Variants in SEMA5A observed in about 807,000 individuals in gnomAD.
The protein encoded by SEMA5A is semaphorin 5A.
A neutral mutation model predicts 135.5 loss-of-function variants in SEMA5A; 55 were observed. The observed-to-expected ratio is 0.41, with a 90% CI of 0.33 to 0.51. The LOEUF is 0.51. SEMA5A is among the 20% of genes least tolerant of loss of function. SEMA5A has a pLI of 0.37. For synonymous variants in SEMA5A, 580 were observed against 546.5 expected, an observed-to-expected ratio of 1.06 and a Z score of -0.85; for missense variants, 1,290 against 1,419.9, an observed-to-expected ratio of 0.91 and a Z score of 1.47.
chr5:9,181,981 C>T (rs1458735890), intron 11 of SEMA5A, among the ~76,000 whole-genome samples: 1 of 152,022 alleles, frequency 6.6e-6, no homozygotes, highest in South Asian at 2.1e-4. Context: ...CTCTCTGCAC[C>T]CCAATTTTCC....
chr5:9,361,669 C>G (rs138521742), intron 3 of SEMA5A, among the ~76,000 whole-genome samples: 75 of 152,324 alleles, frequency 4.9e-4, no homozygotes, highest in African/African-American at 1.7e-3. Context: ...ATCTTTTGCT[C>G]TGACCATATT....
At chr5:9,161,699 C>T (rs1269245057) in intron 11 of SEMA5A, among the ~76,000 whole-genome samples, 1 of 152,212 alleles carries the variant, frequency 6.6e-6, no homozygotes, top group African/African-American at 2.4e-5. Flanking sequence ...CCAGGTACTC[C>T]TGGCTACACG....
At chr5:9,502,243 G>A (rs945542663) in intron 1 of SEMA5A, among the ~76,000 whole-genome samples, 2 of 152,184 alleles carry the variant, frequency 1.3e-5, no homozygotes, top group Non-Finnish European at 2.9e-5. Flanking sequence ...CTCTGTAGCA[G>A]TTAAGACAGA....
chr5:9,345,325 C>T (rs1753812714), intron 3 of SEMA5A, among the ~76,000 whole-genome samples: 1 of 152,130 alleles, frequency 6.6e-6, no homozygotes, highest in Admixed American at 6.5e-5. Flanking sequence ...TGGAAAGTCA[C>T]ATGGGAGTCC....
At chr5:9,125,787 A>G (rs561181724) in intron 13 of SEMA5A, among the ~76,000 whole-genome samples, 1 of 152,112 alleles carries the variant, frequency 6.6e-6, no homozygotes, top group South Asian at 2.1e-4. Flanking sequence ...AACGTGACTC[A>G]AGCCACTAAT....
chr5:9,060,412 A>G (rs968135785), intron 18 of SEMA5A, among the ~76,000 whole-genome samples: 3 of 152,156 alleles, frequency 2.0e-5, no homozygotes, highest in African/African-American at 7.2e-5. Context: ...GGCAACAAGG[A>G]TAGGGTCTGG....
At chr5:9,194,603 A>G (rs959917294) in intron 10 of SEMA5A, among the ~76,000 whole-genome samples, 5 of 152,234 alleles carry the variant, frequency 3.3e-5, no homozygotes, top group Non-Finnish European at 7.3e-5. Context: ...TGTGGTTATC[A>G]AATAGAGTAA....
chr5:9,427,316 G>GA lies in SEMA5A; in HGVS notation c.-78+10439dup, dbSNP rs139386414. 1.3e-4 allele frequency among the ~76,000 whole-genome samples: 20 copies of GA among 152,146 alleles called. 1 individual carries two copies. The highest frequency in any genetic ancestry group is 1.2e-3 in the Admixed American group (18 of 15,296). ...ACAGAGAAGACTCTGTCTCGGGGGG[G>GA]AAAAAGATGAAATCAACTCCTAGAA... On this transcript the variant is annotated intron_variant, in intron 2 of 22. Transcript: ENST00000382496.
intron 21 of SEMA5A, among the ~76,000 whole-genome samples, chr5:9,044,822 T>C (rs1030860414): frequency 2.0e-5 from 3 of 152,180 alleles, no homozygotes; most frequent in Admixed American, 2.0e-4. Flanking sequence ...TTTACTCTTG[T>C]TGCCCAGGCT....
chr5:9,174,160 C>A (rs1038802857), intron 11 of SEMA5A, among the ~76,000 whole-genome samples: 1 of 152,182 alleles, frequency 6.6e-6, no homozygotes, highest in African/African-American at 2.4e-5. Flanking sequence ...TGCAGTTAGA[C>A]TTGGCCATTG....
chr5:9,454,269 C>G (rs1758751743), intron 1 of SEMA5A, among the ~76,000 whole-genome samples: 1 of 152,152 alleles, frequency 6.6e-6, no homozygotes, highest in South Asian at 2.1e-4. Context: ...TAATGTGAAC[C>G]AGATCCTCAT....
chr5:9,359,777 AC>A (rs1754610738), intron 3 of SEMA5A, among the ~76,000 whole-genome samples: 1 of 152,228 alleles, frequency 6.6e-6, no homozygotes, highest in South Asian at 2.1e-4. Flanking sequence ...CAGAGGAAAA[AC>A]AAAGAAACAA....
rs563251686 is a variant in SEMA5A at position 9,404,464 on chromosome 5, C to T, written c.-77-24441G>A. Among the ~76,000 whole-genome samples the T allele has an allele frequency of 1.9e-3, 283 of 152,282 alleles. 1 individual carries two copies. The highest frequency in any genetic ancestry group is 6.6e-3 in the African/African-American group (274 of 41,574). ...ATATGTTAAAGAGAAAAATAGCACCCATATCGCAGCCTGGGTGCCCATAAT... is the reference window on the plus strand; with the variant it reads ...ATATGTTAAAGAGAAAAATAGCACCTATATCGCAGCCTGGGTGCCCATAAT... On this transcript the variant is annotated intron_variant, in intron 2 of 22. Transcript: ENST00000382496.
intron 11 of SEMA5A, among the ~76,000 whole-genome samples, chr5:9,168,005 T>C (rs1027335497): frequency 6.6e-6 from 1 of 152,114 alleles, no homozygotes; most frequent in African/African-American, 2.4e-5. Flanking sequence ...ATAACCATGT[T>C]AAAAATTCTA....
intron 8 of SEMA5A, among the ~76,000 whole-genome samples, chr5:9,209,767 C>A (rs1281343009): frequency 6.6e-6 from 1 of 152,076 alleles, no homozygotes; most frequent in Non-Finnish European, 1.5e-5. Flanking sequence ...ATGTCAGAGG[C>A]CCTTGACTGG....
intron 14 of SEMA5A, among the ~76,000 whole-genome samples, chr5:9,120,243 A>T (rs941825382): frequency 1.3e-5 from 2 of 152,106 alleles, no homozygotes; most frequent in Non-Finnish European, 2.9e-5. Flanking sequence ...CCTATGAAAA[A>T]ATATTAGCTC....
At chr5:9,060,541 C>T (rs530958459) in intron 18 of SEMA5A, among the ~76,000 whole-genome samples, 1 of 152,190 alleles carries the variant, frequency 6.6e-6, no homozygotes, top group East Asian at 1.9e-4. Flanking sequence ...CCTCTCAGCC[C>T]CCAGAGGAGG....
At chr5:9,370,924 A>T (rs1227203292) in intron 3 of SEMA5A, among the ~76,000 whole-genome samples, 3 of 152,246 alleles carry the variant, frequency 2.0e-5, no homozygotes, top group African/African-American at 7.2e-5. Flanking sequence ...TCAGTATGAC[A>T]AACAGATGAA....
chr5:9,047,011 G>A (rs115555724), intron 21 of SEMA5A, among the ~76,000 whole-genome samples: 1,626 of 152,230 alleles, frequency 0.011, 22 homozygotes, highest in Middle Eastern at 0.024. Context: ...AGCCTCTAGG[G>A]CTGGAGAACT....
Sources: allele counts gnomAD v4.1 joint callset (sites outside exome capture counted in the v4.1 genomes callset), GRCh38; gene constraint gnomAD v4.1.1; transcripts MANE v1.5; gene names NCBI Gene and HGNC (gene_info 2026-07-23, HGNC 2026-07-21).